Variants in MEGF6 observed in about 807,000 individuals in gnomAD.
MEGF6 encodes the protein multiple epidermal growth factor-like domains protein 6.
In MEGF6, 184 loss-of-function variants were observed where a neutral mutation model predicts 207.1. That is an observed-to-expected ratio of 0.89 (90% CI 0.79 to 1.00). The LOEUF (loss-of-function observed/expected upper bound fraction) is 1.00. MEGF6 is among the 50% of genes least tolerant of loss of function. The pLI is 0.00. For synonymous variants in MEGF6, 1,038 were observed against 910.0 expected (o/e 1.14, Z -2.53); for missense variants, 2,282 against 2,202.9 (o/e 1.04, Z -0.72).
chr1:3,550,914 G>A (rs1315377816), intron 4 of MEGF6, among the ~76,000 whole-genome samples: 1 of 152,254 alleles, frequency 6.6e-6, no homozygotes, highest in Admixed American at 6.5e-5. Flanking sequence ...TGACAGTGGG[G>A]CTCTCAGATC....
At chr1:3,618,439 G>T in the MEGF6 span, among the ~76,000 whole-genome samples, 1 of 152,258 alleles carries the variant, frequency 6.6e-6, no homozygotes, top group African/African-American at 2.4e-5. The surrounding 1 kb of genome is among the most constrained non-coding windows in gnomAD (Gnocchi z 4.7). Context: ...CCCACACGGC[G>T]AGGGGCAGGT....
rs748512126 is a variant in MEGF6 at position 3,499,600 on chromosome 1, G to A, written c.2953C>T (p.Arg985Cys). ...CLCPAGRRGP[R>C]CAETCPAHTY... ...GGACCTCACGCACTCTCGGCACAGCGGGGGCCCCGGCGGCCAGCGGGGCAG... is the reference window on the plus strand; with the variant it reads ...GGACCTCACGCACTCTCGGCACAGCAGGGGCCCCGGCGGCCAGCGGGGCAG... The change falls in exon 23 of 37, where the codon CGC (arginine) becomes TGC (cysteine). Residue 985 changes from arginine (R) to cysteine (C), a missense_variant. Arg to Cys is a radical substitution (Grantham distance 180). Coordinates refer to ENST00000356575, the MANE Select transcript of MEGF6 (RefSeq NM_001409.4). The A allele has an allele frequency of 3.5e-5, 55 of 1,580,724 alleles. No homozygotes were observed. Among genetic ancestry groups the A allele is most frequent in the African/African-American group, 9.4e-5 (7 of 74,494 alleles).
chr1:3,603,494 T>A (rs1050566091), intron 1 of MEGF6, among the ~76,000 whole-genome samples: 7 of 152,034 alleles, frequency 4.6e-5, no homozygotes, highest in African/African-American at 1.7e-4. Context: ...CTGGGGGGCC[T>A]CAGAGGAAAG....
Position 3,500,742 on chromosome 1 carries a change from T to A in MEGF6, c.2598A>T (p.Gly866=). Residue 866 remains glycine (G), a synonymous_variant, in exon 21 of 37, where the codon GGA becomes GGT. Coordinates refer to ENST00000356575, the MANE Select transcript of MEGF6 (RefSeq NM_001409.4). ...CQRACDTGHW[G]PDCSHPCNCS... is the part of the protein sequence containing the mutation. Reference sequence around the variant, plus strand: ...AGTTGCAGGGGTGGCTGCAGTCAGGTCCCCAGTGCCCAGTATCACAGGCTG... The same window carrying A: ...AGTTGCAGGGGTGGCTGCAGTCAGGACCCCAGTGCCCAGTATCACAGGCTG... The A allele has an allele frequency of 1.2e-6, 2 of 1,603,136 alleles. No homozygotes were observed. Among genetic ancestry groups the A allele is most frequent in the Non-Finnish European group, 1.7e-6 (2 of 1,175,556 alleles).
chr1:3,541,383 C>G (rs1241329459), intron 4 of MEGF6, among the ~76,000 whole-genome samples: 1 of 152,268 alleles, frequency 6.6e-6, no homozygotes, highest in Non-Finnish European at 1.5e-5. Context: ...CCCCAGGAGA[C>G]TCCCGTGGAA....
At chr1:3,547,827 C>A (rs1373192360) in intron 4 of MEGF6, among the ~76,000 whole-genome samples, 1 of 152,194 alleles carries the variant, frequency 6.6e-6, no homozygotes, top group Non-Finnish European at 1.5e-5. Flanking sequence ...GCAGGACTTC[C>A]CCCGGGACTT....
At chr1:3,578,798 A>C in intron 4 of MEGF6, among the ~76,000 whole-genome samples, 1 of 151,648 alleles carries the variant, frequency 6.6e-6, no homozygotes, top group Non-Finnish European at 1.5e-5. Context: ...ACCCCTCCTC[A>C]GCCTGGTCCC....
intron 1 of MEGF6, among the ~76,000 whole-genome samples, chr1:3,603,990 G>T (rs1028064828): frequency 6.6e-6 from 1 of 152,202 alleles, no homozygotes; most frequent in Non-Finnish European, 1.5e-5. Context: ...CCAACATAGC[G>T]ATGGCAAAAA....
intron 3 of MEGF6, 38 bp downstream of exon 3, chr1:3,595,294 GGGTGGA>G: frequency 7.1e-7 from 1 of 1,405,226 alleles, no homozygotes. Context: ...GAGTCCTCTG[GGGTGGA>G]GGTGGAGGGA....
Position 3,498,815 on chromosome 1 carries a change from C to T in MEGF6, c.3106G>A (p.Gly1036Ser), listed in dbSNP as rs926266658. The T allele has an allele frequency of 1.3e-5, 20 of 1,553,162 alleles. 1 individual carries two copies. Among genetic ancestry groups the T allele is most frequent in the African/African-American group, 6.8e-5 (5 of 73,424 alleles). Residue 1036 changes from glycine (G) to serine (S), a missense_variant, in exon 25 of 37, where the codon GGC (glycine) becomes AGC (serine). Physicochemically the swap from Gly to Ser is moderately conservative, Grantham distance 56. Coordinates refer to ENST00000356575, the MANE Select transcript of MEGF6 (RefSeq NM_001409.4). ...TGCCGACAGTTGTCGCCGTACAGGC[C>T]GGCAGGGCAGGCTGGGGCCAGGGAA... Reference protein sequence around the residue: ...GPSCLQACPAGLYGDNCRHSC... With the variant: ...GPSCLQACPASLYGDNCRHSC...
At chr1:3,498,990 A>G in intron 24 of MEGF6, 148 bp downstream of exon 24, 3 of 1,395,534 alleles carry the variant, frequency 2.1e-6, no homozygotes, top group Non-Finnish European at 2.9e-6. Flanking sequence ...CCCTGCCTGG[A>G]GAGGGGCACA....
intron 4 of MEGF6, among the ~76,000 whole-genome samples, chr1:3,550,413 G>C (rs1360289054): frequency 6.6e-6 from 1 of 152,202 alleles, no homozygotes; most frequent in African/African-American, 2.4e-5. Context: ...GGCGGGTCTG[G>C]GGTCTCCTGG....
At chr1:3,536,116 C>T (rs1642320523) in intron 4 of MEGF6, among the ~76,000 whole-genome samples, 1 of 152,178 alleles carries the variant, frequency 6.6e-6, no homozygotes, top group Admixed American at 6.5e-5. Context: ...TCTAGACACT[C>T]ACCCTTCCTC....
intron 5 of MEGF6, among the ~76,000 whole-genome samples, chr1:3,519,426 G>A (rs1405992089): frequency 6.6e-6 from 1 of 152,252 alleles, no homozygotes; most frequent in Non-Finnish European, 1.5e-5. Flanking sequence ...GGAGCTGCAC[G>A]GCGCACCATG....
chr1:3,527,205 A>T (rs1641996661), intron 4 of MEGF6, among the ~76,000 whole-genome samples: 1 of 152,212 alleles, frequency 6.6e-6, no homozygotes, highest in East Asian at 1.9e-4. Flanking sequence ...GCGTCAGAGC[A>T]CTGTTGACAG....
chr1:3,506,354 C>T, intron 14 of MEGF6, 118 bp from the exon 15 acceptor site: 2 of 1,292,398 alleles, frequency 1.5e-6, no homozygotes, highest in Non-Finnish European at 2.1e-6. Flanking sequence ...GGAGCAGCCC[C>T]CGCCAGGGCA....
In MEGF6 at chr1:3,500,484, T is replaced by C. The variant is rs1640808592; in HGVS notation, c.2707+149A>G. 1.6e-5 allele frequency: 19 copies of C among 1,183,754 alleles called. No individual in the cohort carries two copies. The East Asian group carries it at 3.7e-4, about 23-fold the overall frequency. 73.3% of individuals were successfully genotyped at this position (1,183,754 alleles called of 1,614,324 possible). A position where few individuals can be genotyped will look rare whatever the true frequency, so the allele number is the denominator to read the frequency against. ...GTGCCTGCACGTTTTGGTGGGTGTG[T>C]GCGCGCACAGGAGGGGGCGCGGCCA... is the stretch of plus-strand genomic sequence containing the variant. On this transcript the variant is annotated intron_variant, in intron 21 of 36. Coordinates refer to ENST00000356575, the MANE Select transcript of MEGF6 (RefSeq NM_001409.4).
rs201243575 is a variant in MEGF6 at position 3,505,351 on chromosome 1, C to T, written c.2054-9G>A. 9.8e-5 allele frequency: 157 copies of T among 1,608,098 alleles called. No homozygotes were observed. The East Asian group carries it at 2.3e-3, about 23-fold the overall frequency. On this transcript the variant is annotated splice_polypyrimidine_tract_variant and intron_variant, in intron 16 of 36. Coordinates refer to ENST00000356575, the MANE Select transcript of MEGF6 (RefSeq NM_001409.4). ...GTAGCCCAGCTCACACTCTGCAGGG[C>T]GTGAGAGAGGGGTGGGTGGGGTTAA...
At position 3,559,522 on chromosome 1, in the gene MEGF6, TAAAAAAA is replaced by T. The variant is rs59799522; in HGVS notation, c.481+20296_481+20302del. ...GGACAAAGAGCTAGACCTTGTCTCT[TAAAAAAA>T]AAAAAAAAAAAAAAAAAAGAAGAAG... On this transcript the variant is annotated intron_variant, in intron 4 of 36. Coordinates refer to ENST00000356575, the MANE Select transcript of MEGF6 (RefSeq NM_001409.4). 2.8e-3 allele frequency among the ~76,000 whole-genome samples: 296 copies of T among 105,540 alleles called. 2 individuals carry two copies. The highest frequency in any genetic ancestry group is 3.4e-3 in the Non-Finnish European group (181 of 53,790). 69.2% of individuals were successfully genotyped at this position (105,540 alleles called of 152,430 possible).
Sources: gnomAD v4.1 joint callset for allele counts (sites outside exome capture counted in the v4.1 genomes callset) on GRCh38, gnomAD v4.1.1 for gene constraint, Gnocchi (gnomAD v3.1) non-coding constraint, MANE v1.5 for transcripts, NCBI Gene and HGNC (gene_info 2026-07-23, HGNC 2026-07-21) for gene names.